The following USP30 variants were observed in gnomAD, a reference collection of about 807,000 sequenced individuals.
USP30 encodes the protein ubiquitin carboxyl-terminal hydrolase 30.
Under a neutral mutation model 68.2 loss-of-function variants are expected in USP30, and 41 were observed. The ratio of observed to expected loss-of-function variants is 0.60; its 90% CI spans 0.47 to 0.78. USP30 has a LOEUF of 0.78. USP30 is among the 30% of genes least tolerant of loss of function. The pLI is 0.00. For missense variants in USP30, 522 were observed against 649.4 expected, an observed-to-expected ratio of 0.80 and a Z score of 2.13; for synonymous variants, 229 against 253.7, an observed-to-expected ratio of 0.90 and a Z score of 0.93.
intron 7 of USP30, among the ~76,000 whole-genome samples, chr12:109,080,583 GTTC>G (rs2041767971): frequency 6.6e-6 from 1 of 152,114 alleles, no homozygotes; most frequent in African/African-American, 2.4e-5. Context: ...ATGATCATAT[GTTC>G]TTCTACATTT....
intron 6 of USP30, 23 bp from the exon 7 acceptor site, chr12:109,073,415 T>C (rs747684889): frequency 3.2e-6 from 5 of 1,574,984 alleles, no homozygotes; most frequent in Non-Finnish European, 3.5e-6. Flanking sequence ...AAGTGACATA[T>C]CAAAAAACTT....
At chr12:109,085,134 G>A (rs2041910073) in intron 12 of USP30, 61 bp downstream of exon 12, 9 of 1,354,344 alleles carry the variant, frequency 6.6e-6, no homozygotes, top group Non-Finnish European at 8.7e-6. Context: ...TCTAAAATTA[G>A]CTTTTCACAG....
At chr12:109,062,474 A>T (rs1174803422) in intron 3 of USP30, among the ~76,000 whole-genome samples, 1 of 150,904 alleles carries the variant, frequency 6.6e-6, no homozygotes, top group Admixed American at 6.6e-5. Context: ...AGCTGGGATT[A>T]TAGGCGCCAT....
intron 2 of USP30, among the ~76,000 whole-genome samples, chr12:109,026,713 C>A (rs537810579): frequency 6.6e-6 from 1 of 152,052 alleles, no homozygotes; most frequent in Non-Finnish European, 1.5e-5. Context: ...AGCCATCCAC[C>A]CACCTCGGCC....
At chr12:109,061,954 G>GT (rs1371893334) in intron 3 of USP30, among the ~76,000 whole-genome samples, 1 of 151,856 alleles carries the variant, frequency 6.6e-6, no homozygotes, top group Non-Finnish European at 1.5e-5. Flanking sequence ...TTTTTGTTTT[G>GT]TTTTTTGGAG....
rs1030719200 is a variant in USP30 at position 109,071,705 on chromosome 12, C to T, written c.574C>T (p.Leu192=). Residue 192 remains leucine, a synonymous_variant, in exon 5 of 13, where the codon CTG becomes TTG. Transcript: ENST00000257548. ...CACACATTTGTTTGATGTGCATTCC[C>T]TGGAGGTAAACCATTAATATTTCCA... ...RVTHLFDVHS[L]EQQSEITPKQ... The T allele has an allele frequency of 1.2e-6, 2 of 1,613,844 alleles. No homozygotes were observed. Among genetic ancestry groups the T allele is most frequent in the Non-Finnish European group, 1.7e-6 (2 of 1,179,844 alleles).
intron 3 of USP30, among the ~76,000 whole-genome samples, chr12:109,046,268 A>G (rs1367646121): frequency 6.6e-6 from 1 of 151,476 alleles, no homozygotes; most frequent in Non-Finnish European, 1.5e-5. Flanking sequence ...CACCTGGCTA[A>G]TTTTTATTAT....
chr12:109,055,400 A>ATTTTTTTTTTTTTTTTT (rs869090869), intron 1 of USP30, among the ~76,000 whole-genome samples: 1 of 24,474 alleles, frequency 4.1e-5, no homozygotes, highest in African/African-American at 1.1e-4. Flanking sequence ...ATATATATAT[A>ATTTTTTTTTTTTTTTTT]TTTTTTTTTT....
intron 7 of USP30, among the ~76,000 whole-genome samples, chr12:109,076,684 T>G (rs912719067): frequency 3.3e-5 from 5 of 152,034 alleles, no homozygotes; most frequent in African/African-American, 1.2e-4. Context: ...AATGATCATA[T>G]TTTAGTCTTA....
intron 3 of USP30, among the ~76,000 whole-genome samples, chr12:109,046,237 G>T (rs755657320): frequency 6.6e-6 from 1 of 151,188 alleles, no homozygotes; most frequent in Non-Finnish European, 1.5e-5. Context: ...TAGTACCTGG[G>T]ACTACAGGCA....
intron 3 of USP30, among the ~76,000 whole-genome samples, chr12:109,065,464 A>C (rs778802590): frequency 7.2e-5 from 11 of 152,258 alleles, no homozygotes; most frequent in Non-Finnish European, 1.6e-4. Context: ...ACAAAGTGTG[A>C]AGGCGGCTGT....
At chr12:109,068,062 A>G (rs1198332452) in intron 4 of USP30, among the ~76,000 whole-genome samples, 6 of 152,110 alleles carry the variant, frequency 3.9e-5, no homozygotes, top group African/African-American at 7.2e-5. Context: ...CCTCAAGCAG[A>G]TGTCATATGC....
rs149169531 is a variant in USP30 at position 109,082,931 on chromosome 12, A to G, written c.1037A>G (p.Asn346Ser). ...PLKRHEHVQF[N>S]EFLMMDIYKY... ...AAGCGGCATGAGCACGTGCAGTTCAATGAGTTCCTGATGATGGACATTTAC... is the reference window on the plus strand; with the variant it reads ...AAGCGGCATGAGCACGTGCAGTTCAGTGAGTTCCTGATGATGGACATTTAC... Residue 346 changes from asparagine to serine, a missense_variant, in exon 11 of 13, where the codon AAT becomes AGT. Asn to Ser is a conservative substitution (Grantham distance 46). Transcript: ENST00000257548. 6 of 1,614,110 alleles carry G rather than the reference A, an allele frequency of 3.7e-6. No individual in the cohort carries two copies. Among genetic ancestry groups the G allele is most frequent in the East Asian group, 2.2e-5 (1 of 44,898 alleles).
At chr12:109,051,619 G>C (rs1252412275), upstream of USP30, among the ~76,000 whole-genome samples, 2 of 147,542 alleles carry the variant, frequency 1.4e-5, no homozygotes, top group African/African-American at 2.5e-5. Flanking sequence ...ACCCAGGCTG[G>C]AATGCAGTGG....
intron 3 of USP30, among the ~76,000 whole-genome samples, chr12:109,045,591 CT>C (rs1409261866): frequency 2.0e-5 from 3 of 152,202 alleles, no homozygotes; most frequent in African/African-American, 7.2e-5. Context: ...AGTCAATTCA[CT>C]TCTCCGGGCT....
chr12:109,025,260 C>T (rs562204021), intron 2 of USP30, among the ~76,000 whole-genome samples: 1 of 152,192 alleles, frequency 6.6e-6, no homozygotes, highest in African/African-American at 2.4e-5. Context: ...TTCTCAGCCT[C>T]CCTAATTATG....
intron 7 of USP30, among the ~76,000 whole-genome samples, chr12:109,075,099 A>T (rs1327497235): frequency 1.3e-5 from 2 of 152,154 alleles, no homozygotes; most frequent in Non-Finnish European, 2.9e-5. Context: ...ACATTTTCTC[A>T]TTCATCTGTC....
rs1468590543 is a variant in USP30, at chr12:109,082,966, C to T, written c.1072C>T (p.Leu358Phe). 1.9e-6 allele frequency: 3 copies of T among 1,614,252 alleles called. No homozygotes were observed. The highest frequency in any genetic ancestry group is 2.5e-6 in the Non-Finnish European group (3 of 1,180,038). The change falls in exon 11 of 13, where the codon CTC becomes TTC. Residue 358 changes from leucine to phenylalanine, a missense_variant. Transcript: ENST00000257548. ...FLMMDIYKYH[L>F]LGHKPSQHNP... is the part of the protein sequence containing the mutation. ...GATGATGGACATTTACAAGTACCAC[C>T]TCCTTGGACATAAACCTAGTCAACA...
chr12:109,041,681 T>TG (rs1373161188), intron 3 of USP30, among the ~76,000 whole-genome samples: 2 of 152,052 alleles, frequency 1.3e-5, no homozygotes, highest in African/African-American at 4.8e-5. Context: ...ATGTGAAGTA[T>TG]GAACTTATCA....
Sources: allele counts gnomAD v4.1 joint callset (sites outside exome capture counted in the v4.1 genomes callset), GRCh38; gene constraint gnomAD v4.1.1; transcripts MANE v1.5; gene names NCBI Gene and HGNC (gene_info 2026-07-23, HGNC 2026-07-21).